Variants in TRPC5 observed in about 807,000 individuals in gnomAD.
TRPC5 encodes the protein short transient receptor potential channel 5.
A neutral mutation model predicts 56.5 loss-of-function variants in TRPC5; 9 were observed. That is an observed-to-expected ratio of 0.16 (90% CI 0.10 to 0.28). The LOEUF (loss-of-function observed/expected upper bound fraction) is 0.28. Ranked by LOEUF, TRPC5 falls within the 10% of genes least tolerant of loss-of-function variation. The pLI is 1.00. For missense variants in TRPC5, 469 were observed against 748.9 expected (o/e 0.63, Z 4.36); for synonymous variants, 282 against 278.5 (o/e 1.01, Z -0.13).
At chrX:112,065,244 A>G (rs1026078152) in intron 1 of TRPC5, among the ~76,000 whole-genome samples, 16 of 111,394 alleles carry the variant, frequency 1.4e-4, no homozygotes, top group African/African-American at 5.2e-4. Context: ...CTGGTATATA[A>G]TCCCTCCACA....
intron 1 of TRPC5, among the ~76,000 whole-genome samples, chrX:111,998,375 T>C (rs1028671322): frequency 8.9e-6 from 1 of 112,306 alleles, no homozygotes; most frequent in Non-Finnish European, 1.9e-5. Context: ...GCAATTGGGA[T>C]ATCTACCACC....
At chrX:111,855,205 A>T in intron 3 of TRPC5, among the ~76,000 whole-genome samples, 1 of 112,039 alleles carries the variant, frequency 8.9e-6, no homozygotes, top group East Asian at 2.8e-4. Flanking sequence ...TGTGAAGGTC[A>T]CTAGTTTCCC....
intron 7 of TRPC5, among the ~76,000 whole-genome samples, chrX:111,801,221 G>A (rs954615528): frequency 1.8e-5 from 2 of 111,518 alleles, no homozygotes; most frequent in South Asian, 3.7e-4. Flanking sequence ...GTAACGTGTC[G>A]GTACTTCATT....
intron 2 of TRPC5, among the ~76,000 whole-genome samples, chrX:111,927,681 G>T (rs1008148565): frequency 1.1e-4 from 12 of 111,242 alleles, no homozygotes; most frequent in African/African-American, 3.9e-4. Flanking sequence ...ACACTAAAAA[G>T]AAGTCAGTGG....
intron 3 of TRPC5, among the ~76,000 whole-genome samples, chrX:111,870,932 G>A (rs1177680232): frequency 9.0e-6 from 1 of 111,598 alleles, no homozygotes; most frequent in Non-Finnish European, 1.9e-5. Context: ...GTATGTGGAA[G>A]ACAAAGTGAG....
intron 1 of TRPC5, among the ~76,000 whole-genome samples, chrX:111,983,795 G>A (rs1928141654): frequency 9.0e-6 from 1 of 111,096 alleles, no homozygotes; most frequent in Non-Finnish European, 1.9e-5. Context: ...GTGTCAAACT[G>A]TCTGTAAACC....
intron 3 of TRPC5, among the ~76,000 whole-genome samples, chrX:111,869,302 A>G (rs1025787425): frequency 8.9e-6 from 1 of 111,918 alleles, no homozygotes; most frequent in Admixed American, 9.5e-5. Context: ...AATCACTCAG[A>G]TCACTAATCC....
intron 6 of TRPC5, among the ~76,000 whole-genome samples, chrX:111,845,163 G>A (rs1038462518): frequency 9.0e-6 from 1 of 111,399 alleles, no homozygotes; most frequent in Non-Finnish European, 1.9e-5. Flanking sequence ...GCTTGAACCT[G>A]GGAGAGAGAG....
rs981807399 is a variant in TRPC5, at chrX:111,879,272, G to T, written c.901-25166C>A. On this transcript the variant is annotated intron_variant, in intron 3 of 10. Coordinates refer to ENST00000262839, the MANE Select transcript of TRPC5 (RefSeq NM_012471.3). ...GGTTTCAGTGCTCATTCAGAGCAGA[G>T]AACTCAGGAGACGTTGACTCTCGTT... Among the ~76,000 whole-genome samples, 3 of 112,107 alleles carry T rather than the reference G, an allele frequency of 2.7e-5. No individual in the cohort carries two copies. The Admixed American group carries it at 2.8e-4, about 11-fold the overall frequency.
chrX:111,987,308 A>G (rs1186355244), intron 1 of TRPC5, among the ~76,000 whole-genome samples: 1 of 111,849 alleles, frequency 8.9e-6, no homozygotes, highest in Non-Finnish European at 1.9e-5. Context: ...AATTAACATA[A>G]CAGTCATCTC....
intron 6 of TRPC5, among the ~76,000 whole-genome samples, chrX:111,843,390 G>A (rs1051711395): frequency 1.8e-5 from 2 of 112,038 alleles, no homozygotes; most frequent in Non-Finnish European, 3.8e-5. Flanking sequence ...GAAGAAGCCT[G>A]CAGCTGAGAG....
chrX:111,881,467 G>C (rs1483650956), intron 3 of TRPC5, among the ~76,000 whole-genome samples: 1 of 111,468 alleles, frequency 9.0e-6, no homozygotes, highest in African/African-American at 3.3e-5. Context: ...TGAGCCACTG[G>C]GCCTGGCCCG....
chrX:111,985,073 A>T (rs1041982263), intron 1 of TRPC5, among the ~76,000 whole-genome samples: 3 of 112,175 alleles, frequency 2.7e-5, no homozygotes, highest in African/African-American at 9.7e-5. Flanking sequence ...CAAGTGCTTA[A>T]TGGTGGCACT....
intron 1 of TRPC5, among the ~76,000 whole-genome samples, chrX:112,028,760 C>G (rs773210877): frequency 9.5e-4 from 106 of 111,902 alleles, no homozygotes; most frequent in African/African-American, 3.1e-3. Flanking sequence ...CTTTATAGTA[C>G]CATGATTTAT....
At chrX:111,898,755 A>G (rs1207377027) in intron 3 of TRPC5, among the ~76,000 whole-genome samples, 3 of 110,465 alleles carry the variant, frequency 2.7e-5, no homozygotes, top group African/African-American at 6.6e-5. Flanking sequence ...GCAAAAATGA[A>G]ATTTGTGTGT....
At chrX:112,064,845 C>T (rs781188447) in intron 1 of TRPC5, among the ~76,000 whole-genome samples, 27 of 111,275 alleles carry the variant, frequency 2.4e-4, no homozygotes, top group East Asian at 2.0e-3. Flanking sequence ...GAGGCTGAGG[C>T]GGGCGGATCA....
chrX:111,979,328 G>A (rs1242826422), intron 1 of TRPC5, among the ~76,000 whole-genome samples: 1 of 111,064 alleles, frequency 9.0e-6, no homozygotes, highest in Non-Finnish European at 1.9e-5. Context: ...AATTCAAAAT[G>A]GATCACAGAC....
chrX:111,872,733 TG>T (rs2148594079), intron 3 of TRPC5, among the ~76,000 whole-genome samples: 1 of 110,979 alleles, frequency 9.0e-6, no homozygotes, highest in South Asian at 3.8e-4. Flanking sequence ...AACATACAAG[TG>T]GCCAATAAAC....
chrX:112,067,933 G>A (rs1930626130), intron 1 of TRPC5, among the ~76,000 whole-genome samples: 1 of 112,403 alleles, frequency 8.9e-6, no homozygotes, highest in Admixed American at 9.4e-5. Flanking sequence ...TTATAAGCAT[G>A]TTCACACACA....
Sources: gnomAD v4.1 joint callset for allele counts (sites outside exome capture counted in the v4.1 genomes callset) on GRCh38, gnomAD v4.1.1 for gene constraint, MANE v1.5 for transcripts, NCBI Gene and HGNC (gene_info 2026-07-23, HGNC 2026-07-21) for gene names.